The following BRD2 variants were observed in gnomAD, a reference collection of about 807,000 sequenced individuals.
BRD2 encodes the protein bromodomain containing 2.
BRD2 carries 15 observed loss-of-function variants against 79.1 expected under a neutral mutation model. The observed-to-expected ratio is 0.19, with a 90% CI of 0.13 to 0.29. BRD2 has a LOEUF of 0.29. BRD2 is among the 10% of genes least tolerant of loss of function. The pLI, the probability that BRD2 is intolerant of heterozygous loss-of-function variation, is 1.00. For synonymous variants in BRD2, 488 were observed against 358.6 expected (o/e 1.36, Z -4.08); for missense variants, 1,053 against 991.3 (o/e 1.06, Z -0.84).
Position 32,978,158 on chromosome 6 carries a change from G to A in BRD2, c.1611G>A (p.Leu537=), listed in dbSNP as rs1037010261. The part of the protein sequence containing the change: ...LRAVHEQLAA[L]SQGPISKPKR... The stretch of plus-strand genomic sequence containing the variant: ...CAGTACATGAACAACTGGCTGCTCT[G>A]TCCCAGGGTCCAATATCCAAGCCCA... Residue 537 remains leucine (L), a synonymous_variant, in exon 10 of 13, where the codon CTG becomes CTA. Transcript: ENST00000374825. 1.2e-6 allele frequency: 2 copies of A among 1,612,476 alleles called. No individual in the cohort carries two copies. Among genetic ancestry groups the A allele is most frequent in the Non-Finnish European group, 1.7e-6 (2 of 1,179,952 alleles).
Position 32,968,994 on chromosome 6 carries a change from T to G in BRD2, c.-1367T>G. On this transcript the variant is annotated 5_prime_UTR_variant, in exon 1 of 13. Coordinates refer to ENST00000374825, the MANE Select transcript of BRD2 (RefSeq NM_005104.4). ...TCTGGGGGGGGGTTGACACCCCGGA[T>G]TACATACCCCGTACCAAGCCGAGGG... 1 of 237,970 alleles carries G rather than the reference T, an allele frequency of 4.2e-6. No homozygotes were observed. The highest frequency in any genetic ancestry group is 7.7e-5 in the East Asian group (1 of 12,936). 14.7% of individuals were successfully genotyped at this position (237,970 alleles called of 1,614,324 possible).
intron 10 of BRD2, 92 bp downstream of exon 10, chr6:32,978,480 A>G: frequency 6.5e-7 from 1 of 1,534,954 alleles, no homozygotes; most frequent in Non-Finnish European, 8.7e-7. Flanking sequence ...CTAAATGGCC[A>G]GTTAACAGAT....
At chr6:32,973,103 G>C in intron 2 of BRD2, 176 bp downstream of exon 2, 1 of 1,561,642 alleles carries the variant, frequency 6.4e-7, no homozygotes, top group Non-Finnish European at 8.7e-7. Flanking sequence ...GTGGCGGCTC[G>C]GCTACTGCTC....
rs1379120855 is a variant in BRD2, at chr6:32,971,694, C to G, written c.-1205C>G. 2.5e-5 allele frequency: 13 copies of G among 519,878 alleles called. No individual in the cohort carries two copies. The South Asian group carries it at 2.6e-4, about 10-fold the overall frequency. The allele number at this position is 519,878 out of a possible 1,614,324, so 32.2% of individuals were successfully genotyped here. A position where few individuals can be genotyped will look rare whatever the true frequency, so the allele number is the denominator to read the frequency against. On this transcript the variant is annotated 5_prime_UTR_variant, in exon 2 of 13. Coordinates refer to ENST00000374825, the MANE Select transcript of BRD2 (RefSeq NM_005104.4). ...TCAGGCAGGCTACGCCCACGCGACC[C>G]CTCCCGTTTCCCTGCTTTGGCCAAT...
At chr6:32,973,629 G>A (rs1277669644) in intron 2 of BRD2, among the ~76,000 whole-genome samples, 1 of 152,128 alleles carries the variant, frequency 6.6e-6, no homozygotes, top group Non-Finnish European at 1.5e-5. Context: ...GCACCAGAGG[G>A]ACTGTAAATG....
chr6:32,974,192 A>G (rs1003656594), intron 2 of BRD2, among the ~76,000 whole-genome samples: 1 of 152,114 alleles, frequency 6.6e-6, no homozygotes, highest in Non-Finnish European at 1.5e-5. Flanking sequence ...ACAATTTGGG[A>G]GTTTTTTAAA....
chr6:32,971,795 C>G lies in BRD2; in HGVS notation c.-1104C>G. On this transcript the variant is annotated 5_prime_UTR_variant, in exon 2 of 13. Coordinates refer to ENST00000374825, the MANE Select transcript of BRD2 (RefSeq NM_005104.4). ...GGCTGTGCATGGAAGCTTGGGAAGA[C>G]TTTGTTGGAAGGGGAGGCGGGGAGA... is the stretch of plus-strand genomic sequence containing the variant. 6.3e-6 allele frequency: 4 copies of G among 633,856 alleles called. No homozygotes were observed. Among genetic ancestry groups the G allele is most frequent in the Non-Finnish European group, 1.1e-5 (4 of 354,150 alleles). 39.3% of individuals were successfully genotyped at this position (633,856 alleles called of 1,614,324 possible).
rs1561922474 is a variant in BRD2, at chr6:32,972,004, A to G, written c.-895A>G. On this transcript the variant is annotated 5_prime_UTR_variant, in exon 2 of 13. Coordinates refer to ENST00000374825, the MANE Select transcript of BRD2 (RefSeq NM_005104.4). The stretch of plus-strand genomic sequence containing the variant: ...CCTTGGAAATGAAGTTTATGACGTC[A>G]TCGTTGCGGCTGGCCAATAGAAAAA... The G allele has an allele frequency of 2.8e-6, 2 of 702,472 alleles. No homozygotes were observed. Among genetic ancestry groups the G allele is most frequent in the African/African-American group, 1.7e-5 (1 of 57,266 alleles). The allele number at this position is 702,472 out of a possible 1,614,324, so 43.5% of individuals were successfully genotyped here.
At chr6:32,977,357 A>AG in intron 7 of BRD2, 85 bp from the exon 8 acceptor site, 2 of 1,610,618 alleles carry the variant, frequency 1.2e-6, no homozygotes, top group Non-Finnish European at 8.5e-7. Flanking sequence ...CTCTCAAGAG[A>AG]GGGCTCTTCT....
chr6:32,979,474 T>A (rs567489703), intron 10 of BRD2: 3 of 283,468 alleles, frequency 1.1e-5, no homozygotes, highest in East Asian at 6.9e-5. Context: ...CTTTACGGAG[T>A]TTTTTTTAGA....
chr6:32,975,588 G>C, intron 4 of BRD2, 67 bp downstream of exon 4: 7 of 1,573,414 alleles, frequency 4.4e-6, no homozygotes, highest in Non-Finnish European at 6.1e-6. Context: ...TGCTGGATAT[G>C]TTGTCTACAT....
intron 1 of BRD2, among the ~76,000 whole-genome samples, chr6:32,969,665 G>A (rs886125527): frequency 7.2e-5 from 11 of 152,186 alleles, no homozygotes; most frequent in East Asian, 3.8e-4. Context: ...GCCCCTGTAG[G>A]GTCTTTACTG....
At position 32,976,019 on chromosome 6, in the gene BRD2, G is replaced by C; in HGVS notation, c.472-12G>C. The stretch of plus-strand genomic sequence containing the variant: ...TTTTTAACTTTCTTTATTGCTGTCT[G>C]TGTTCTCATAGCCCACTGATGATAT... On this transcript the variant is annotated splice_polypyrimidine_tract_variant and intron_variant, in intron 4 of 12. Coordinates refer to ENST00000374825, the MANE Select transcript of BRD2 (RefSeq NM_005104.4). The C allele has an allele frequency of 1.3e-6, 2 of 1,589,248 alleles. No individual in the cohort carries two copies. Among genetic ancestry groups the C allele is most frequent in the Non-Finnish European group, 1.7e-6 (2 of 1,172,050 alleles).
rs754172841 is a variant in BRD2, at chr6:32,977,751, T to C, written c.1330-6T>C. The C allele has an allele frequency of 1.2e-6, 2 of 1,612,944 alleles. No individual in the cohort carries two copies. The highest frequency in any genetic ancestry group is 1.7e-6 in the Non-Finnish European group (2 of 1,179,940). The stretch of plus-strand genomic sequence containing the variant: ...AGCATAGTTTTGAGTTTGTGCCTCT[T>C]TGTAGGATGTATTTGAGTTCCGTTA... On this transcript the variant is annotated splice_region_variant and splice_polypyrimidine_tract_variant and intron_variant, in intron 8 of 12. Transcript: ENST00000374825.
chr6:32,971,328 A>G (rs1043712659), intron 1 of BRD2: 5 of 353,002 alleles, frequency 1.4e-5, no homozygotes, highest in African/African-American at 8.4e-5. Context: ...GGGAGGGATT[A>G]GAAAGGTGCT....
intron 7 of BRD2, 55 bp from the exon 8 acceptor site, chr6:32,977,387 A>G (rs1778905887): frequency 1.9e-6 from 3 of 1,612,612 alleles, no homozygotes; most frequent in Non-Finnish European, 2.5e-6. Flanking sequence ...TGGGGTTGGC[A>G]GGGAAAGGTG....
At chr6:32,979,385 T>C (rs1357398519) in intron 10 of BRD2, among the ~76,000 whole-genome samples, 1 of 152,080 alleles carries the variant, frequency 6.6e-6, no homozygotes, top group East Asian at 1.9e-4. Flanking sequence ...GCCCATGGTG[T>C]AGTTTGGTAG....
Position 32,972,656 on chromosome 6 carries a change from C to T in BRD2, c.-243C>T. 3 of 611,302 alleles carry T rather than the reference C, an allele frequency of 4.9e-6. No homozygotes were observed. Among genetic ancestry groups the T allele is most frequent in the South Asian group, 2.0e-5 (1 of 51,124 alleles). The allele number at this position is 611,302 out of a possible 1,614,324, so 37.9% of individuals were successfully genotyped here. A position where few individuals can be genotyped will look rare whatever the true frequency, so the allele number is the denominator to read the frequency against. ...GTCCCTCCTTAGTTGCCCGCCTCAG[C>T]TGAGGCCGCCGCCATTTTCTTGCTG... On this transcript the variant is annotated 5_prime_UTR_variant, in exon 2 of 13. Coordinates refer to ENST00000374825, the MANE Select transcript of BRD2 (RefSeq NM_005104.4).
chr6:32,977,342 CTG>C, intron 7 of BRD2, 98 bp from the exon 8 acceptor site: 1 of 1,608,576 alleles, frequency 6.2e-7, no homozygotes, highest in Non-Finnish European at 8.5e-7. Flanking sequence ...GTCATCCCCA[CTG>C]TGCTCTCAAG....
Sources: gnomAD v4.1 joint callset for allele counts (sites outside exome capture counted in the v4.1 genomes callset) on GRCh38, gnomAD v4.1.1 for gene constraint, MANE v1.5 for transcripts, NCBI Gene and HGNC (gene_info 2026-07-23, HGNC 2026-07-21) for gene names.